Variants in EPHB1 observed in about 807,000 individuals in gnomAD.
EPHB1 encodes the protein ephrin type-B receptor 1.
EPHB1 carries 30 observed loss-of-function variants against 94.4 expected under a neutral mutation model. The observed-to-expected ratio is 0.32, with a 90% CI of 0.24 to 0.43. The LOEUF is 0.43. Ranked by LOEUF, EPHB1 falls within the 20% of genes least tolerant of loss-of-function variation. EPHB1 has a pLI of 1.00. For missense variants in EPHB1, 1,055 were observed against 1,308.3 expected (o/e 0.81, Z 2.99); for synonymous variants, 522 against 489.1 (o/e 1.07, Z -0.89).
At chr3:134,912,941 T>C (rs2038484947) in intron 1 of EPHB1, among the ~76,000 whole-genome samples, 1 of 152,208 alleles carries the variant, frequency 6.6e-6, no homozygotes, top group Admixed American at 6.5e-5. Flanking sequence ...GAATCTGATA[T>C]TTCCCGGTAT....
intron 1 of EPHB1, among the ~76,000 whole-genome samples, chr3:134,848,405 G>A (rs1171348391): frequency 1.3e-5 from 2 of 152,132 alleles, no homozygotes; most frequent in Non-Finnish European, 1.5e-5. Flanking sequence ...CTCTCTAAGT[G>A]GAGAAAATAG....
rs765072819 is a variant in EPHB1, at chr3:135,258,923, C to T, written c.2847-89C>T. The T allele has an allele frequency of 8.4e-5, 97 of 1,158,264 alleles. 1 individual carries two copies. The Middle Eastern group carries it at 1.2e-3, about 14-fold the overall frequency. 71.7% of individuals were successfully genotyped at this position (1,158,264 alleles called of 1,614,324 possible). A position where few individuals can be genotyped will look rare whatever the true frequency, so the allele number is the denominator to read the frequency against. ...TTGGATTTTTGTAGCATGGCTACTT[C>T]CCAAGAACATGGCTTTAGTGATGAG... On this transcript the variant is annotated intron_variant, in intron 15 of 15. Transcript: ENST00000398015.
chr3:135,074,989 T>C (rs1318241667), intron 3 of EPHB1, among the ~76,000 whole-genome samples: 2 of 152,280 alleles, frequency 1.3e-5, no homozygotes, highest in East Asian at 3.9e-4. Flanking sequence ...TATCATTGCC[T>C]GTGTGGTTTT....
At chr3:134,904,370 A>G (rs571785808) in intron 1 of EPHB1, among the ~76,000 whole-genome samples, 4 of 152,190 alleles carry the variant, frequency 2.6e-5, no homozygotes, top group African/African-American at 9.6e-5. Flanking sequence ...TTTAAGGGAC[A>G]TAGTCGCTTT....
At chr3:135,033,234 T>A (rs912836019) in intron 3 of EPHB1, among the ~76,000 whole-genome samples, 5 of 152,152 alleles carry the variant, frequency 3.3e-5, no homozygotes, top group Non-Finnish European at 7.4e-5. Context: ...TGGAATCGTT[T>A]ATGGTGGGTT....
Position 135,201,487 on chromosome 3 carries a change from A to G in EPHB1, c.2144A>G (p.Gln715Arg), listed in dbSNP as rs775383394. Residue 715 changes from glutamine (Q) to arginine (R), a missense_variant, in exon 12 of 16, where the codon CAG (glutamine) becomes CGG (arginine). By Grantham distance (43) the Gln-to-Arg change is conservative (BLOSUM62 1). Transcript: ENST00000398015. ...LDSFLRQNDG[Q>R]FTVIQLVGML... Reference sequence around the variant, plus strand: ...GTCTTATTACAGCAAAATGACGGGCAGTTCACCGTGATCCAGCTTGTGGGT... The same window carrying G: ...GTCTTATTACAGCAAAATGACGGGCGGTTCACCGTGATCCAGCTTGTGGGT... The G allele has an allele frequency of 8.7e-6, 14 of 1,613,898 alleles. No individual in the cohort carries two copies. The highest frequency in any genetic ancestry group is 1.7e-5 in the Admixed American group (1 of 60,006).
chr3:135,063,150 T>C (rs529375526), intron 3 of EPHB1, among the ~76,000 whole-genome samples: 15 of 152,114 alleles, frequency 9.9e-5, no homozygotes, highest in Non-Finnish European at 1.9e-4. Context: ...TTTTGCTTAG[T>C]CTTGCTTTGG....
chr3:134,826,785 G>T (rs996029670), intron 1 of EPHB1, among the ~76,000 whole-genome samples: 3 of 152,176 alleles, frequency 2.0e-5, no homozygotes, highest in Admixed American at 1.3e-4. Flanking sequence ...GAGGGCAAGA[G>T]TCATCTTTCT....
At chr3:134,816,793 G>A (rs1019734191) in intron 1 of EPHB1, among the ~76,000 whole-genome samples, 5 of 151,898 alleles carry the variant, frequency 3.3e-5, no homozygotes, top group Admixed American at 2.0e-4. Flanking sequence ...TGATATTCAG[G>A]CACGTGTGCT....
chr3:134,959,259 G>T (rs905656039), intron 3 of EPHB1, among the ~76,000 whole-genome samples: 6 of 152,062 alleles, frequency 3.9e-5, no homozygotes, highest in South Asian at 2.1e-4. Flanking sequence ...TGGAGTGAGT[G>T]GTATGGAGAT....
At chr3:134,834,214 C>T (rs956551560) in intron 1 of EPHB1, among the ~76,000 whole-genome samples, 3 of 152,076 alleles carry the variant, frequency 2.0e-5, no homozygotes, top group Admixed American at 6.5e-5. Context: ...CAGACATATC[C>T]CAAATGCTTA....
At chr3:135,245,396 T>G (rs1332732395) in intron 13 of EPHB1, among the ~76,000 whole-genome samples, 2 of 152,064 alleles carry the variant, frequency 1.3e-5, no homozygotes, top group Non-Finnish European at 2.9e-5. Context: ...AATGGACCTG[T>G]GTTCCTAGCT....
chr3:135,189,609 G>A (rs1338154903), intron 10 of EPHB1, among the ~76,000 whole-genome samples: 3 of 152,260 alleles, frequency 2.0e-5, no homozygotes, highest in African/African-American at 7.2e-5. Context: ...TGTGCAGGCT[G>A]TATCCAAACC....
At chr3:135,006,362 G>A (rs909253228) in intron 3 of EPHB1, among the ~76,000 whole-genome samples, 1 of 152,220 alleles carries the variant, frequency 6.6e-6, no homozygotes, top group Non-Finnish European at 1.5e-5. Context: ...AGAATTTCGT[G>A]TTGGGGATGA....
At chr3:134,983,270 G>A (rs1341116341) in intron 3 of EPHB1, among the ~76,000 whole-genome samples, 1 of 152,224 alleles carries the variant, frequency 6.6e-6, no homozygotes, top group African/African-American at 2.4e-5. Context: ...GCATATGCTA[G>A]TGACTACTGT....
At chr3:135,126,274 T>C (rs771778727) in intron 4 of EPHB1, among the ~76,000 whole-genome samples, 24 of 152,222 alleles carry the variant, frequency 1.6e-4, no homozygotes, top group Non-Finnish European at 3.1e-4. Flanking sequence ...ATTACATTTG[T>C]TGCTTTCCTG....
chr3:134,808,258 T>G (rs2036106766), intron 1 of EPHB1, among the ~76,000 whole-genome samples: 1 of 152,190 alleles, frequency 6.6e-6, no homozygotes, highest in Non-Finnish European at 1.5e-5. Flanking sequence ...CTCTAGCAAA[T>G]GCTGAAGAAG....
chr3:135,238,982 C>T (rs1201716893), intron 12 of EPHB1, among the ~76,000 whole-genome samples: 2 of 152,218 alleles, frequency 1.3e-5, no homozygotes, highest in Admixed American at 6.5e-5. Context: ...CACCTCTCTT[C>T]CCAGCCGTGG....
intron 1 of EPHB1, among the ~76,000 whole-genome samples, chr3:134,829,156 T>G (rs2036537451): frequency 6.6e-6 from 1 of 152,248 alleles, no homozygotes; most frequent in Non-Finnish European, 1.5e-5. Context: ...GGAATAAAAT[T>G]CTGTGAGACA....
Sources: allele counts gnomAD v4.1 joint callset (sites outside exome capture counted in the v4.1 genomes callset), GRCh38; gene constraint gnomAD v4.1.1; transcripts MANE v1.5; gene names NCBI Gene and HGNC (gene_info 2026-07-23, HGNC 2026-07-21).